Variants in TMC7 observed in about 807,000 individuals in gnomAD.
TMC7 encodes the protein transmembrane channel-like protein 7.
In TMC7, 54 loss-of-function variants were observed where a neutral mutation model predicts 82.9. The observed-to-expected ratio is 0.65, with a 90% CI of 0.52 to 0.82. The LOEUF is 0.82. Among genes scored for constraint, TMC7 ranks in the 40% least tolerant of loss-of-function variants. The probability of loss-of-function intolerance (pLI) is 0.00; values close to 1 mark genes in which losing one functional copy is unlikely to be tolerated. For missense variants in TMC7, 820 were observed against 901.2 expected (o/e 0.91, Z 1.15); for synonymous variants, 350 against 337.9 (o/e 1.04, Z -0.39).
Position 19,044,959 on chromosome 16 carries a change from T to C in TMC7, c.1413T>C (p.Asp471=), listed in dbSNP as rs754916432. Residue 471 remains aspartate, a synonymous_variant, in exon 10 of 16, where the codon GAT becomes GAC. Coordinates refer to ENST00000304381, the MANE Select transcript of TMC7 (RefSeq NM_024847.4). ...TLGSKITSCD[D]DTCDLCGYNQ... The stretch of plus-strand genomic sequence containing the variant: ...GCTCCAAGATCACATCCTGTGATGA[T>C]GACACATGTGACCTTTGCGGCTACA... 33 of 1,613,882 alleles carry C rather than the reference T, an allele frequency of 2.0e-5. No individual in the cohort carries two copies. The highest frequency in any genetic ancestry group is 2.8e-5 in the Non-Finnish European group (33 of 1,180,018).
At chr16:19,025,649 A>G (rs752011904) in intron 5 of TMC7, among the ~76,000 whole-genome samples, 5 of 152,058 alleles carry the variant, frequency 3.3e-5, no homozygotes, top group Non-Finnish European at 5.9e-5. Context: ...CAAAAAACAA[A>G]AAAACAAATA....
chr16:18,984,317 T>A, intron 1 of TMC7, 187 bp downstream of exon 1: 1 of 1,309,114 alleles, frequency 7.6e-7, no homozygotes, highest in Non-Finnish European at 9.7e-7. Context: ...CACAAACGCG[T>A]CCTCATCCAA....
chr16:19,020,697 A>G (rs999982659), intron 3 of TMC7, among the ~76,000 whole-genome samples: 9 of 151,696 alleles, frequency 5.9e-5, no homozygotes, highest in Non-Finnish European at 1.3e-4. Flanking sequence ...GTGAAACCTC[A>G]TCTGTACTAA....
chr16:19,026,835 C>T (rs1269542514), intron 5 of TMC7, among the ~76,000 whole-genome samples: 1 of 151,980 alleles, frequency 6.6e-6, no homozygotes, highest in East Asian at 1.9e-4. Context: ...GATCTCGGCC[C>T]ACTGCAACCT....
intron 12 of TMC7, among the ~76,000 whole-genome samples, chr16:19,050,366 C>CAAAAAAAAA: frequency 1.2e-5 from 1 of 83,048 alleles, no homozygotes; most frequent in Non-Finnish European, 2.1e-5. Flanking sequence ...GATTCCGTCT[C>CAAAAAAAAA]AAAAAAAAAA....
At chr16:19,036,306 G>A (rs1384195341) in intron 7 of TMC7, among the ~76,000 whole-genome samples, 1 of 151,998 alleles carries the variant, frequency 6.6e-6, no homozygotes, top group East Asian at 1.9e-4. Context: ...TCAGGAGATC[G>A]AGACCATCCT....
rs112947023 is a variant in TMC7 at position 19,040,347 on chromosome 16, T to A, written c.1238T>A (p.Val413Glu). The A allele has an allele frequency of 6.2e-7, 1 of 1,614,076 alleles. No homozygotes were observed. The highest frequency in any genetic ancestry group is 1.1e-5 in the South Asian group (1 of 91,080). ...NLFILYLPSIVITLANFITPM... is the reference protein window; with the variant it reads ...NLFILYLPSIEITLANFITPM... Reference sequence around the variant, plus strand: ...TTCATATTGTATCTACCGTCTATTGTGATCACGCTGGCCAATTTTATCACC... The same window carrying A: ...TTCATATTGTATCTACCGTCTATTGAGATCACGCTGGCCAATTTTATCACC... Residue 413 changes from valine to glutamate, a missense_variant, in exon 9 of 16, where the codon GTG (valine) becomes GAG (glutamate). Val to Glu is a moderately radical substitution (Grantham distance 121). Around this residue, in one of 2 missense-constraint regions of TMC7, gnomAD observed 650 missense variants for 669.9 expected, o/e 0.97. Transcript: ENST00000304381.
rs139788351 is a variant in TMC7 at position 19,052,719 on chromosome 16, C to CT, written c.1871+912dup. Among the ~76,000 whole-genome samples the CT allele has an allele frequency of 1.7e-4, 25 of 151,280 alleles. No individual in the cohort carries two copies. In the East Asian group the frequency reaches 2.1e-3, roughly 13 times the overall value. ...TTGAGTCCCTCTCTCAGATTTTGTT[C>CT]TTTTTTTTTATGAGACACGGTCTCA... On this transcript the variant is annotated intron_variant, in intron 13 of 15. Coordinates refer to ENST00000304381, the MANE Select transcript of TMC7 (RefSeq NM_024847.4).
intron 14 of TMC7, among the ~76,000 whole-genome samples, chr16:19,058,163 G>C (rs1239929796): frequency 6.6e-6 from 1 of 152,018 alleles, no homozygotes; most frequent in South Asian, 2.1e-4. Flanking sequence ...AGGCCGAGGC[G>C]GGTGGATCAC....
Position 19,016,508 on chromosome 16 carries a change from A to T in TMC7, c.370A>T (p.Ser124Cys), listed in dbSNP as rs775742089. 5.0e-6 allele frequency: 8 copies of T among 1,614,120 alleles called. No individual in the cohort carries two copies. The East Asian group carries it at 1.3e-4, about 27-fold the overall frequency. Residue 124 changes from serine to cysteine, a missense_variant, in exon 3 of 16, where the codon AGC becomes TGC. Around this residue, in one of 2 missense-constraint regions of TMC7, gnomAD observed 650 missense variants for 669.9 expected, o/e 0.97. Transcript: ENST00000304381. ...LSEWDQWKRY[S>C]SKSWKRFLEK... ...CGAATGGGACCAGTGGAAGCGGTAT[A>T]GCAGCAAGTCTTGGAAGAGGTTCCT...
intron 1 of TMC7, among the ~76,000 whole-genome samples, chr16:19,004,039 ATT>A (rs571678425): frequency 2.4e-4 from 4 of 16,922 alleles, no homozygotes; most frequent in East Asian, 1.4e-3. Context: ...AAAAAAATAA[ATT>A]TAAAAAAAAA....
rs776434511 is a variant in TMC7, at chr16:19,045,001, G to A, written c.1455G>A (p.Pro485=). ...DLCGYNQKLY[P]CWETQVGQEM... is the part of the protein sequence containing the mutation. ...GCGGCTACAACCAGAAACTCTACCC[G>A]GTGAGTTGCGGGGCGGGGGCGTTCG... is the stretch of plus-strand genomic sequence containing the variant. Residue 485 remains proline, a splice_region_variant and synonymous_variant, in exon 10 of 16, where the codon CCG becomes CCA. Transcript: ENST00000304381. The A allele has an allele frequency of 1.2e-5, 19 of 1,612,606 alleles. No individual in the cohort carries two copies. The Admixed American group carries it at 2.2e-4, about 18-fold the overall frequency.
chr16:19,003,295 T>C (rs1469255622), intron 1 of TMC7, among the ~76,000 whole-genome samples: 2 of 152,082 alleles, frequency 1.3e-5, no homozygotes, highest in South Asian at 4.1e-4. Flanking sequence ...GCCTGGGCAA[T>C]AGAGCAAGAC....
intron 14 of TMC7, among the ~76,000 whole-genome samples, chr16:19,057,425 A>G (rs1961825126): frequency 6.6e-6 from 1 of 152,240 alleles, no homozygotes; most frequent in South Asian, 2.1e-4. Context: ...CCTTGCATGT[A>G]CTAACTCATG....
At chr16:19,018,333 A>G (rs1596749189) in intron 3 of TMC7, among the ~76,000 whole-genome samples, 1 of 152,188 alleles carries the variant, frequency 6.6e-6, no homozygotes. Flanking sequence ...CGCAGACTGG[A>G]TGGCTTAAAA....
chr16:19,049,683 G>C (rs1473676680), intron 12 of TMC7: 37 of 984,958 alleles, frequency 3.8e-5, no homozygotes, highest in Non-Finnish European at 4.2e-5. Flanking sequence ...GTTGGGTCAT[G>C]GTGGGTACCT....
intron 6 of TMC7, chr16:19,033,865 G>A (rs1206507571): frequency 6.6e-6 from 1 of 152,156 alleles, no homozygotes; most frequent in Non-Finnish European, 1.5e-5. Flanking sequence ...ACTCCATGTT[G>A]TTCTGACATA....
intron 9 of TMC7, among the ~76,000 whole-genome samples, chr16:19,042,437 A>G (rs1413073196): frequency 1.3e-5 from 2 of 151,496 alleles, no homozygotes; most frequent in Non-Finnish European, 2.9e-5. Context: ...AGCCTCCCAA[A>G]GTGTTGGGAT....
chr16:19,044,862 C>G (rs780570469), intron 9 of TMC7, 22 bp from the exon 10 acceptor site: 7 of 1,596,078 alleles, frequency 4.4e-6, no homozygotes, highest in Admixed American at 3.3e-5. Flanking sequence ...TCTTCCCATC[C>G]TCTCTCCTTC....
Sources: gnomAD v4.1 joint callset for allele counts (sites outside exome capture counted in the v4.1 genomes callset) on GRCh38, gnomAD v4.1.1 for gene constraint, gnomAD v4.1.1 regional missense constraint, MANE v1.5 for transcripts, NCBI Gene and HGNC (gene_info 2026-07-23, HGNC 2026-07-21) for gene names.